Variants in RBM41 observed in about 807,000 individuals in gnomAD.
RBM41 encodes the protein RNA binding motif protein 41.
RBM41 carries 14 observed loss-of-function variants against 30.8 expected under a neutral mutation model. The observed-to-expected ratio is 0.45, with a 90% CI of 0.30 to 0.71. RBM41 has a LOEUF of 0.71. RBM41 is among the 30% of genes least tolerant of loss of function. RBM41 has a pLI of 0.08. For synonymous variants in RBM41, 120 were observed against 110.1 expected (o/e 1.09, Z -0.56); for missense variants, 276 against 326.3 (o/e 0.85, Z 1.19).
chrX:107,107,113 TG>T (rs1924076925), intron 5 of RBM41, among the ~76,000 whole-genome samples: 1 of 111,962 alleles, frequency 8.9e-6, no homozygotes, highest in Non-Finnish European at 1.9e-5. Context: ...AGATAGTTCA[TG>T]GTAAGCGTAT....
chrX:107,091,254 C>G (rs768933768), intron 5 of RBM41, among the ~76,000 whole-genome samples: 1 of 112,026 alleles, frequency 8.9e-6, no homozygotes, highest in Non-Finnish European at 1.9e-5. Context: ...CTTCTTCCTA[C>G]AATATACTTA....
At chrX:107,060,675 T>A (rs913550249), downstream of RBM41, among the ~76,000 whole-genome samples, 4 of 110,776 alleles carry the variant, frequency 3.6e-5, no homozygotes, top group Non-Finnish European at 7.6e-5. Context: ...ACTAAGACAA[T>A]CCCCACTAGG....
chrX:107,061,752 T>C (rs771911615), downstream of RBM41, among the ~76,000 whole-genome samples: 1 of 108,719 alleles, frequency 9.2e-6, no homozygotes, highest in East Asian at 2.8e-4. Context: ...CCTACGAATG[T>C]TTCTAACTGA....
At chrX:107,069,230 T>C (rs1935954852) in intron 7 of RBM41, 25 bp downstream of exon 7, 1 of 1,170,122 alleles carries the variant, frequency 8.5e-7, no homozygotes, top group Non-Finnish European at 1.2e-6. Flanking sequence ...GGCAACTGAG[T>C]AATCATCTGG....
intron 5 of RBM41, among the ~76,000 whole-genome samples, chrX:107,098,755 C>A (rs1324736878): frequency 9.0e-6 from 1 of 111,680 alleles, no homozygotes; most frequent in East Asian, 2.8e-4. Context: ...AATCCCAGCA[C>A]TTTGGGAGGC....
At chrX:107,086,581 TA>T (rs371929613) in intron 6 of RBM41, among the ~76,000 whole-genome samples, 2 of 109,772 alleles carry the variant, frequency 1.8e-5, no homozygotes, top group Admixed American at 1.9e-4. Context: ...CAAACACATA[TA>T]AAAAAAAAGC....
intron 6 of RBM41, among the ~76,000 whole-genome samples, chrX:107,082,339 G>A (rs1921603806): frequency 9.0e-6 from 1 of 111,331 alleles, no homozygotes; most frequent in African/African-American, 3.3e-5. Flanking sequence ...TTGAACCTAT[G>A]GTGGATATCT....
At chrX:107,082,223 G>A (rs1223548536) in intron 6 of RBM41, among the ~76,000 whole-genome samples, 1 of 111,204 alleles carries the variant, frequency 9.0e-6, no homozygotes, top group African/African-American at 3.3e-5. Context: ...ATCATGAATC[G>A]ATGTTAAGAT....
intron 6 of RBM41, among the ~76,000 whole-genome samples, chrX:107,084,682 G>A (rs1203993905): frequency 1.8e-5 from 2 of 111,358 alleles, no homozygotes; most frequent in Non-Finnish European, 3.8e-5. Context: ...CCAGTTTATG[G>A]CTCCAGTGCG....
chrX:107,092,989 A>C (rs754024188), intron 5 of RBM41, among the ~76,000 whole-genome samples: 2 of 112,251 alleles, frequency 1.8e-5, no homozygotes, highest in South Asian at 7.4e-4. Context: ...ATTAATTATA[A>C]AATTCTGGTA....
chrX:107,107,825 C>A (rs992830724), intron 5 of RBM41, among the ~76,000 whole-genome samples: 14 of 110,983 alleles, frequency 1.3e-4, no homozygotes, highest in African/African-American at 3.9e-4. Context: ...GAGATATAAA[C>A]AGGGTTGAAG....
intron 5 of RBM41, among the ~76,000 whole-genome samples, chrX:107,104,695 C>T (rs940715318): frequency 8.1e-5 from 9 of 110,905 alleles, no homozygotes; most frequent in Admixed American, 9.6e-5. Flanking sequence ...TGCTGGATTA[C>T]GTTTATTGAT....
At chrX:107,102,969 A>G (rs1923589801) in intron 5 of RBM41, among the ~76,000 whole-genome samples, 1 of 111,237 alleles carries the variant, frequency 9.0e-6, no homozygotes, top group South Asian at 3.8e-4. Flanking sequence ...CTCTGGATGG[A>G]GAGAAATTTT....
chrX:107,110,729 T>C (rs377700617), intron 5 of RBM41, among the ~76,000 whole-genome samples: 3 of 111,615 alleles, frequency 2.7e-5, no homozygotes, highest in East Asian at 2.8e-4. Flanking sequence ...AGTGTGGTAC[T>C]GGCATAAAGA....
chrX:107,079,396 A>G (rs1195004766), intron 6 of RBM41, among the ~76,000 whole-genome samples: 1 of 111,603 alleles, frequency 9.0e-6, no homozygotes, highest in East Asian at 2.8e-4. Context: ...ATGCATGTAT[A>G]AGAGTATCAG....
intron 6 of RBM41, among the ~76,000 whole-genome samples, chrX:107,087,549 G>A (rs1922141591): frequency 9.0e-6 from 1 of 110,994 alleles, no homozygotes; most frequent in South Asian, 3.7e-4. Context: ...ACATGAATGT[G>A]AAATAATGAT....
chrX:107,084,134 C>CAA (rs60197903), intron 6 of RBM41, among the ~76,000 whole-genome samples: 21,702 of 65,970 alleles, frequency 0.33, 2,962 homozygotes, highest in East Asian at 0.52. Flanking sequence ...TTTGGATTTA[C>CAA]AAAAAAAAAA....
At chrX:107,083,578 T>A (rs1458004598) in intron 6 of RBM41, among the ~76,000 whole-genome samples, 1 of 111,697 alleles carries the variant, frequency 9.0e-6, no homozygotes, top group African/African-American at 3.2e-5. Flanking sequence ...GGATATTCTG[T>A]TCCTTTTTTT....
At chrX:107,115,618 G>A in intron 3 of RBM41, 62 bp from the exon 4 acceptor site, 1 of 1,021,179 alleles carries the variant, frequency 9.8e-7, no homozygotes. Context: ...ATGATGATCT[G>A]GTATCTCAAG....
Sources: allele counts gnomAD v4.1 joint callset (sites outside exome capture counted in the v4.1 genomes callset), GRCh38; gene constraint gnomAD v4.1.1; transcripts MANE v1.5; gene names NCBI Gene and HGNC (gene_info 2026-07-23, HGNC 2026-07-21).